NRDE2: variants seen among roughly 807,000 people sequenced by gnomAD.
NRDE2 encodes the protein nuclear exosome regulator NRDE2.
NRDE2 carries 76 observed loss-of-function variants against 124.2 expected under a neutral mutation model. The observed-to-expected ratio is 0.61, with a 90% confidence interval of 0.51 to 0.74. NRDE2 has a LOEUF of 0.74. Among genes scored for constraint, NRDE2 ranks in the 30% least tolerant of loss-of-function variants. The pLI is 0.00. For synonymous variants in NRDE2, 489 were observed against 528.1 expected (o/e 0.93, Z 1.01); for missense variants, 1,314 against 1,417.3 (o/e 0.93, Z 1.17).
chr14:90,290,758 A>G (rs1184011409), intron 9 of NRDE2, 151 bp from the exon 10 acceptor site: 2 of 997,134 alleles, frequency 2.0e-6, no homozygotes, highest in South Asian at 1.8e-5. Flanking sequence ...TGTTAGCACA[A>G]GCCAGAGGCC....
intron 3 of NRDE2, among the ~76,000 whole-genome samples, chr14:90,315,476 A>G (rs1438940827): frequency 1.3e-5 from 2 of 152,210 alleles, no homozygotes; most frequent in African/African-American, 4.8e-5. Context: ...CTTCTAGACC[A>G]TATGAGCAAA....
At chr14:90,323,284 C>T (rs1412759864) in intron 1 of NRDE2, among the ~76,000 whole-genome samples, 1 of 152,148 alleles carries the variant, frequency 6.6e-6, no homozygotes, top group Non-Finnish European at 1.5e-5. Context: ...TATTTCTCTA[C>T]CACTAGTAAA....
At position 90,270,291 on chromosome 14, in the gene NRDE2, A is replaced by G. The variant is rs1196668618; in HGVS notation, c.*8045T>C. ...CACACAAGCAGGATGACGCTGGCTG[A>G]TGATGTAACCCTGGACGACCTGATC... On this transcript the variant is annotated 3_prime_UTR_variant, in exon 14 of 14. Transcript: ENST00000354366. 2.5e-6 allele frequency: 4 copies of G among 1,613,650 alleles called. No homozygotes were observed. Among genetic ancestry groups the G allele is most frequent in the Non-Finnish European group, 3.4e-6 (4 of 1,179,964 alleles).
At chr14:90,293,030 T>C (rs950518176) in intron 8 of NRDE2, among the ~76,000 whole-genome samples, 158 bp from the exon 9 acceptor site, 4 of 152,154 alleles carry the variant, frequency 2.6e-5, no homozygotes, top group Non-Finnish European at 5.9e-5. Context: ...TAGGAACTCT[T>C]TGTAATCAAT....
intron 7 of NRDE2, among the ~76,000 whole-genome samples, chr14:90,298,634 C>T (rs1038110320): frequency 1.3e-5 from 2 of 152,154 alleles, no homozygotes; most frequent in Non-Finnish European, 2.9e-5. Context: ...GTGAGCTGGA[C>T]CTAGTGATTC....
At chr14:90,299,524 G>T (rs1384440151) in intron 7 of NRDE2, among the ~76,000 whole-genome samples, 1 of 152,194 alleles carries the variant, frequency 6.6e-6, no homozygotes, top group Non-Finnish European at 1.5e-5. Flanking sequence ...GTGAAAGTGA[G>T]CCAATAACCT....
rs1442637186 is a variant in NRDE2, at chr14:90,316,635, T to C, written c.350A>G (p.Glu117Gly). ...AACGCCTCTGGAAGGTTTGTCCTTTTCAGAATCGGTGTCTGTCTCAGACCT... is the reference window on the plus strand; with the variant it reads ...AACGCCTCTGGAAGGTTTGTCCTTTCCAGAATCGGTGTCTGTCTCAGACCT... ...SSRSETDTDS[E>G]KDKPSRGVGG... The change falls in exon 3 of 14, where the codon GAA becomes GGA. Residue 117 changes from glutamate to glycine, a missense_variant. Transcript: ENST00000354366. 3 of 1,614,090 alleles carry C rather than the reference T, an allele frequency of 1.9e-6. No homozygotes were observed. The highest frequency in any genetic ancestry group is 2.7e-5 in the African/African-American group (2 of 74,940).
At chr14:90,286,515 ACT>A (rs766071717) in intron 11 of NRDE2, 23 bp from the exon 12 acceptor site, 2 of 1,606,228 alleles carry the variant, frequency 1.2e-6, no homozygotes, top group Non-Finnish European at 1.7e-6. Context: ...GGCTCACGTG[ACT>A]CTGACACAAG....
At chr14:90,282,609 GT>G (rs1891985049) in intron 12 of NRDE2, among the ~76,000 whole-genome samples, 1 of 151,950 alleles carries the variant, frequency 6.6e-6, no homozygotes, top group African/African-American at 2.4e-5. Context: ...TTTAATTGCT[GT>G]TTGTCCAATT....
intron 12 of NRDE2, chr14:90,279,939 C>G (rs1267497397): frequency 6.6e-6 from 1 of 152,372 alleles, no homozygotes; most frequent in Non-Finnish European, 1.5e-5. Context: ...TAGGGGACGC[C>G]AGCCCTGCCC....
rs1217494614 is a variant in NRDE2, at chr14:90,268,585, A to G, written c.*9751T>C. The G allele has an allele frequency of 9.4e-6, 6 of 636,336 alleles. No individual in the cohort carries two copies. The highest frequency in any genetic ancestry group is 6.0e-5 in the Admixed American group (2 of 33,222). 39.4% of individuals were successfully genotyped at this position (636,336 alleles called of 1,614,324 possible). On this transcript the variant is annotated 3_prime_UTR_variant, in exon 14 of 14. Coordinates refer to ENST00000354366, the MANE Select transcript of NRDE2 (RefSeq NM_017970.4). ...CCCAGGAGCCAGCTAACAACTGCCC[A>G]GTAACTGTGAACGTCTGGAGAGATT...
intron 7 of NRDE2, among the ~76,000 whole-genome samples, chr14:90,300,025 G>T (rs1020133374): frequency 6.6e-6 from 1 of 152,198 alleles, no homozygotes; most frequent in Non-Finnish European, 1.5e-5. Flanking sequence ...TGTGCTATTC[G>T]TGTTTAAAAC....
At chr14:90,279,175 C>G in intron 12 of NRDE2, 42 bp from the exon 13 acceptor site, 3 of 1,484,822 alleles carry the variant, frequency 2.0e-6, no homozygotes, top group East Asian at 2.3e-5. Flanking sequence ...TTAGTTGACA[C>G]AGAGAGGCTA....
chr14:90,303,225 C>A, intron 5 of NRDE2, 100 bp from the exon 6 acceptor site: 1 of 1,080,106 alleles, frequency 9.3e-7, no homozygotes, highest in South Asian at 1.7e-5. Flanking sequence ...TAGGGACTTT[C>A]TTAAACCACC....
In NRDE2 at chr14:90,275,131, G is replaced by A. The variant is rs563832559; in HGVS notation, c.*3205C>T. 3.5e-4 allele frequency: 53 copies of A among 152,280 alleles called. No individual in the cohort carries two copies. The highest frequency in any genetic ancestry group is 1.3e-3 in the African/African-American group (52 of 41,538). 9.4% of individuals were successfully genotyped at this position (152,280 alleles called of 1,614,324 possible). On this transcript the variant is annotated 3_prime_UTR_variant, in exon 14 of 14. Coordinates refer to ENST00000354366, the MANE Select transcript of NRDE2 (RefSeq NM_017970.4). Reference sequence around the variant, plus strand: ...AACTGAGGAACATTCTACAAATTCAGAACACTTCAAAAGTATCCACGTCTT... The same window carrying A: ...AACTGAGGAACATTCTACAAATTCAAAACACTTCAAAAGTATCCACGTCTT...
At chr14:90,309,734 C>G (rs1884758572) in intron 4 of NRDE2, among the ~76,000 whole-genome samples, 1 of 152,174 alleles carries the variant, frequency 6.6e-6, no homozygotes, top group African/African-American at 2.4e-5. Context: ...TGACAGTATT[C>G]CCACTGTCCT....
intron 4 of NRDE2, among the ~76,000 whole-genome samples, chr14:90,309,855 C>T (rs1884763576): frequency 2.0e-5 from 3 of 152,284 alleles, no homozygotes; most frequent in Non-Finnish European, 4.4e-5. Flanking sequence ...TACCAAATGG[C>T]TAGGAAATAA....
chr14:90,307,463 C>T (rs1015129590), intron 4 of NRDE2, among the ~76,000 whole-genome samples: 2 of 151,158 alleles, frequency 1.3e-5, no homozygotes, highest in African/African-American at 2.4e-5. Context: ...TGGTGGCTCA[C>T]ATCTGTAATC....
At chr14:90,278,798 G>T in intron 13 of NRDE2, 1 of 554,218 alleles carries the variant, frequency 1.8e-6, no homozygotes, top group Non-Finnish European at 3.2e-6. Context: ...TTCAGCATCT[G>T]GGCTGGACTC....
Sources: allele counts gnomAD v4.1 joint callset (sites outside exome capture counted in the v4.1 genomes callset), GRCh38; gene constraint gnomAD v4.1.1; transcripts MANE v1.5; gene names NCBI Gene and HGNC (gene_info 2026-07-23, HGNC 2026-07-21).